The following CCDC171 variants were observed in gnomAD, a reference collection of about 807,000 sequenced individuals.
CCDC171 encodes the protein coiled-coil domain-containing protein 171.
In CCDC171, 177 loss-of-function variants were observed where a neutral mutation model predicts 168.2. The observed-to-expected ratio is 1.05, with a 90% CI of 0.93 to 1.19. The LOEUF (loss-of-function observed/expected upper bound fraction) is 1.19. CCDC171 is among the 50% of genes most tolerant of loss of function. CCDC171 has a pLI of 0.00. For missense variants in CCDC171, 1,991 were observed against 1,539.0 expected, an observed-to-expected ratio of 1.29 and a Z score of -4.91; for synonymous variants, 687 against 540.8, an observed-to-expected ratio of 1.27 and a Z score of -3.75.
intron 24 of CCDC171, among the ~76,000 whole-genome samples, chr9:15,907,494 T>C (rs1822868190): frequency 6.6e-6 from 1 of 152,150 alleles, no homozygotes; most frequent in African/African-American, 2.4e-5. Context: ...TTACACCTCA[T>C]ACAAAAATTA....
At chr9:15,968,845 T>G (rs1333147331) in intron 25 of CCDC171, among the ~76,000 whole-genome samples, 1 of 152,206 alleles carries the variant, frequency 6.6e-6, no homozygotes, top group Non-Finnish European at 1.5e-5. Context: ...AGCCGGTGGC[T>G]TCTTTTTAAG....
chr9:15,849,217 A>G (rs1230060361), intron 23 of CCDC171, among the ~76,000 whole-genome samples: 1 of 151,416 alleles, frequency 6.6e-6, no homozygotes, highest in Non-Finnish European at 1.5e-5. Flanking sequence ...TCTTTGCTGA[A>G]CAAAGCAGAG....
At position 15,981,004 on chromosome 9, in the gene CCDC171, CAAAG is replaced by C. The variant is rs548494613; in HGVS notation, n.369-39583_369-39580del. Among the ~76,000 whole-genome samples, 14 of 152,052 alleles carry C rather than the reference CAAAG, an allele frequency of 9.2e-5. No homozygotes were observed. The South Asian group carries it at 2.9e-3, about 32-fold the overall frequency. On this transcript the variant is annotated intron_variant and non_coding_transcript_variant, in intron 3 of 9. Transcript: ENST00000486641. ...CACGTCTTACATGGATGGCAGCAGGCAAAGAGAGAGAGCTTATGCAGGAAAACCC... is the reference window on the plus strand; with the variant it reads ...CACGTCTTACATGGATGGCAGCAGGCAGAGAGAGCTTATGCAGGAAAACCC...
At chr9:15,712,528 G>T (rs541838868) in intron 11 of CCDC171, among the ~76,000 whole-genome samples, 1 of 152,324 alleles carries the variant, frequency 6.6e-6, no homozygotes, top group Non-Finnish European at 1.5e-5. Context: ...ATGCCATTTG[G>T]AATACATGAT....
At chr9:15,753,223 G>A (rs1046057883) in intron 18 of CCDC171, among the ~76,000 whole-genome samples, 1 of 152,060 alleles carries the variant, frequency 6.6e-6, no homozygotes, top group African/African-American at 2.4e-5. Flanking sequence ...ATGAGTATAG[G>A]GAAGACTTCA....
chr9:15,649,644 A>G (rs919271478), intron 7 of CCDC171, among the ~76,000 whole-genome samples: 1 of 152,230 alleles, frequency 6.6e-6, no homozygotes, highest in Non-Finnish European at 1.5e-5. Context: ...AGACACATGA[A>G]AAAATGCTCA....
At position 15,732,665 on chromosome 9, in the gene CCDC171, G is replaced by C. The variant is rs945545264; in HGVS notation, c.2049+2867G>C. On this transcript the variant is annotated intron_variant, in intron 16 of 25. Transcript: ENST00000380701. Reference sequence around the variant, plus strand: ...CTGCTGAATAATGTCCCATTGTATGGCTGTAAAATTTTATCCAAATACTTG... The same window carrying C: ...CTGCTGAATAATGTCCCATTGTATGCCTGTAAAATTTTATCCAAATACTTG... Among the ~76,000 whole-genome samples the C allele has an allele frequency of 6.6e-5, 10 of 152,070 alleles. No homozygotes were observed. The South Asian group carries it at 8.3e-4, about 13-fold the overall frequency.
At chr9:15,668,057 T>G (rs2048856342) in intron 9 of CCDC171, among the ~76,000 whole-genome samples, 1 of 152,248 alleles carries the variant, frequency 6.6e-6, no homozygotes, top group Non-Finnish European at 1.5e-5. Flanking sequence ...TAGTGCAGAT[T>G]TCTTTACTTT....
At chr9:15,731,806 C>A (rs1163542574) in intron 16 of CCDC171, among the ~76,000 whole-genome samples, 1 of 151,954 alleles carries the variant, frequency 6.6e-6, no homozygotes, top group East Asian at 1.9e-4. Flanking sequence ...TTTTTATTCC[C>A]ACCAGCAACA....
At chr9:15,595,581 C>T (rs375304665) in intron 6 of CCDC171, among the ~76,000 whole-genome samples, 1 of 152,140 alleles carries the variant, frequency 6.6e-6, no homozygotes, top group Non-Finnish European at 1.5e-5. Flanking sequence ...CAAGTCTTTG[C>T]TATTGTGAAT....
chr9:15,962,311 T>A (rs1830422065), intron 25 of CCDC171, among the ~76,000 whole-genome samples: 1 of 152,296 alleles, frequency 6.6e-6, no homozygotes, highest in Admixed American at 6.5e-5. Context: ...ACATAATTTT[T>A]CACCGCGTAG....
downstream of CCDC171, among the ~76,000 whole-genome samples, chr9:16,063,609 G>A (rs766181836): frequency 6.6e-6 from 1 of 152,180 alleles, no homozygotes; most frequent in Admixed American, 6.6e-5. Flanking sequence ...CGAAAACCAG[G>A]AGTGGTTTGA....
intron 24 of CCDC171, among the ~76,000 whole-genome samples, chr9:15,908,151 C>G (rs1823006658): frequency 6.6e-6 from 1 of 151,862 alleles, no homozygotes; most frequent in Non-Finnish European, 1.5e-5. Context: ...CATCCCATTA[C>G]TGGGTATATA....
At chr9:15,554,640 T>C (rs1232450840) in intron 1 of CCDC171, among the ~76,000 whole-genome samples, 2 of 152,158 alleles carry the variant, frequency 1.3e-5, no homozygotes, top group African/African-American at 4.8e-5. Flanking sequence ...CCCTTGGTCT[T>C]GGTCTTGTTT....
chr9:15,788,956 C>T (rs1053367613), intron 21 of CCDC171, among the ~76,000 whole-genome samples: 1 of 151,608 alleles, frequency 6.6e-6, no homozygotes, highest in Non-Finnish European at 1.5e-5. Context: ...ATTAGACATT[C>T]CCTGCAATAA....
chr9:16,000,486 C>G (rs1462670356), intron 3 of CCDC171, among the ~76,000 whole-genome samples: 1 of 152,042 alleles, frequency 6.6e-6, no homozygotes, highest in Non-Finnish European at 1.5e-5. Flanking sequence ...TTAACACTTT[C>G]CATTTTCTAA....
intron 7 of CCDC171, among the ~76,000 whole-genome samples, chr9:15,648,300 G>A (rs2047213575): frequency 6.6e-6 from 1 of 152,206 alleles, no homozygotes; most frequent in South Asian, 2.1e-4. Flanking sequence ...CATACTGAAT[G>A]AGCAAAAACT....
At chr9:15,768,755 C>T (rs1198203112) in intron 18 of CCDC171, among the ~76,000 whole-genome samples, 1 of 151,958 alleles carries the variant, frequency 6.6e-6, no homozygotes, top group Non-Finnish European at 1.5e-5. Context: ...ATTCTTTCCC[C>T]CTCACTTATT....
intron 2 of CCDC171, among the ~76,000 whole-genome samples, chr9:15,565,378 C>G (rs968303456): frequency 4.1e-4 from 62 of 152,098 alleles, no homozygotes; most frequent in African/African-American, 1.4e-3. Context: ...GAAGTGGGGT[C>G]TTGTTATGTT....
Sources: allele counts gnomAD v4.1 joint callset (sites outside exome capture counted in the v4.1 genomes callset), GRCh38; gene constraint gnomAD v4.1.1; transcripts MANE v1.5; gene names NCBI Gene and HGNC (gene_info 2026-07-23, HGNC 2026-07-21).